Variants in TCF4 observed in about 807,000 individuals in gnomAD.
TCF4 encodes SL3-3 enhancer factor 2.
TCF4 carries 3 observed loss-of-function variants against 82.1 expected under a neutral mutation model. That is an observed-to-expected ratio of 0.04 (90% CI 0.02 to 0.09). The LOEUF (loss-of-function observed/expected upper bound fraction) is 0.09, where lower values mean the gene tolerates loss of function less well. TCF4 is among the 10% of genes least tolerant of loss of function. The pLI, the probability that TCF4 is intolerant of heterozygous loss-of-function variation, is 1.00. For missense variants in TCF4, 518 were observed against 852.7 expected, an observed-to-expected ratio of 0.61 and a Z score of 4.89; for synonymous variants, 276 against 309.6, an observed-to-expected ratio of 0.89 and a Z score of 1.14.
intron 2 of TCF4, chr18:55,585,594 C>T (rs141238954): frequency 1.7e-6 from 1 of 604,186 alleles, no homozygotes; most frequent in Non-Finnish European, 2.7e-6. Flanking sequence ...AGCAGTACTA[C>T]TGCTACATTT....
chr18:55,321,303 A>G (rs757354196), intron 8 of TCF4: 3 of 257,760 alleles, frequency 1.2e-5, no homozygotes, highest in East Asian at 1.8e-4. Flanking sequence ...TCTGCTTCTC[A>G]TATCTGCTTT....
intron 2 of TCF4, among the ~76,000 whole-genome samples, chr18:55,613,596 G>A (rs559675297): frequency 7.9e-5 from 12 of 152,250 alleles, no homozygotes; most frequent in South Asian, 2.1e-4. Flanking sequence ...GCTGGGAGGC[G>A]TCAAGAAACT....
intron 8 of TCF4, among the ~76,000 whole-genome samples, chr18:55,312,420 T>C (rs981332314): frequency 1.3e-5 from 2 of 152,184 alleles, no homozygotes; most frequent in African/African-American, 2.4e-5. Context: ...CTCATCTGTT[T>C]TTCCTTTTTC....
chr18:55,560,402 C>A (rs1366486974), intron 3 of TCF4, among the ~76,000 whole-genome samples: 1 of 152,186 alleles, frequency 6.6e-6, no homozygotes, highest in Non-Finnish European at 1.5e-5. Context: ...AAATTTAGGG[C>A]TCAGTGCTGT....
Position 55,319,248 on chromosome 18 carries a change from G to T in TCF4, c.549+31111C>A, listed in dbSNP as rs574956374. Among the ~76,000 whole-genome samples the T allele has an allele frequency of 3.9e-5, 6 of 152,192 alleles. No individual in the cohort carries two copies. The East Asian group carries it at 7.7e-4, about 20-fold the overall frequency. ...TCGATAGGCATTTTGAACAATTAAC[G>T]CATGGTATATACAATCTCCACAACA... On this transcript the variant is annotated intron_variant, in intron 8 of 19. Transcript: ENST00000354452.
At chr18:55,286,823 C>T (rs1601484980) in intron 8 of TCF4, among the ~76,000 whole-genome samples, 1 of 152,108 alleles carries the variant, frequency 6.6e-6, no homozygotes, top group South Asian at 2.1e-4. Flanking sequence ...GGTTAAAGGG[C>T]GATCTCCATT....
intron 3 of TCF4, among the ~76,000 whole-genome samples, chr18:55,498,412 G>A (rs2096661301): frequency 6.6e-6 from 1 of 152,198 alleles, no homozygotes; most frequent in African/African-American, 2.4e-5. Flanking sequence ...AGACCAGCCA[G>A]TCCTAACACC....
At chr18:55,470,238 T>A (rs1223977744) in intron 3 of TCF4, among the ~76,000 whole-genome samples, 1 of 152,212 alleles carries the variant, frequency 6.6e-6, no homozygotes, top group East Asian at 1.9e-4. Context: ...CACCAGTATT[T>A]ATCATGAGTG....
intron 6 of TCF4, among the ~76,000 whole-genome samples, chr18:55,376,455 T>C (rs924050194): frequency 6.6e-6 from 1 of 152,224 alleles, no homozygotes; most frequent in Non-Finnish European, 1.5e-5. Flanking sequence ...TAGGCTAAAA[T>C]GTTAGTTAAC....
Position 55,280,068 on chromosome 18 carries a change from C to T in TCF4, c.550-412G>A, listed in dbSNP as rs547762905. Among the ~76,000 whole-genome samples the T allele has an allele frequency of 7.2e-5, 11 of 152,140 alleles. No homozygotes were observed. In the South Asian group the frequency reaches 2.3e-3, roughly 32 times the overall value. On this transcript the variant is annotated intron_variant, in intron 8 of 19. Transcript: ENST00000354452. ...TTCAAATGGTAGAGTAAAAACTCTA[C>T]CTTTCAATTAAAATTTTCACTTTTA...
chr18:55,440,731 A>C lies in TCF4; in HGVS notation c.304+20288T>G, dbSNP rs540679159. Among the ~76,000 whole-genome samples the C allele has an allele frequency of 4.6e-5, 7 of 152,288 alleles. No homozygotes were observed. In the South Asian group the frequency reaches 1.5e-3, roughly 32 times the overall value. Reference sequence around the variant, plus strand: ...CTCAACATCTTCCTGTAATCATGCCAGTCTCCTCTATAACACTTGATGTCA... The same window carrying C: ...CTCAACATCTTCCTGTAATCATGCCCGTCTCCTCTATAACACTTGATGTCA... On this transcript the variant is annotated intron_variant, in intron 5 of 19. Coordinates refer to ENST00000354452, the MANE Select transcript of TCF4 (RefSeq NM_001083962.2).
chr18:55,560,327 C>T (rs540145936), intron 3 of TCF4, among the ~76,000 whole-genome samples: 2 of 152,136 alleles, frequency 1.3e-5, no homozygotes, highest in Non-Finnish European at 2.9e-5. Flanking sequence ...AATGAAATTA[C>T]CGACTTTTCA....
At chr18:55,381,910 G>A (rs1042577591) in intron 6 of TCF4, among the ~76,000 whole-genome samples, 31 of 143,608 alleles carry the variant, frequency 2.2e-4, no homozygotes, top group Non-Finnish European at 3.5e-4. Flanking sequence ...CTCTAGAAGG[G>A]TTTTTTTTTT....
intron 3 of TCF4, chr18:55,510,799 A>G (rs920377605): frequency 3.9e-5 from 47 of 1,207,648 alleles, no homozygotes; most frequent in Non-Finnish European, 4.7e-5. Flanking sequence ...TTATTTGTAT[A>G]TATCAGTCAG....
chr18:55,615,484 C>CTA (rs773233605), intron 2 of TCF4, among the ~76,000 whole-genome samples: 10 of 151,602 alleles, frequency 6.6e-5, no homozygotes, highest in Non-Finnish European at 1.5e-4. Context: ...CAAAACAATT[C>CTA]TACTCCTTCA....
chr18:55,353,219 C>T (rs535440929), intron 6 of TCF4, among the ~76,000 whole-genome samples: 4 of 152,258 alleles, frequency 2.6e-5, no homozygotes, highest in East Asian at 1.9e-4. Context: ...GCAGCATTCA[C>T]AATAGAGCTG....
intron 7 of TCF4, 40 bp from the exon 8 acceptor site, chr18:55,350,448 A>G: frequency 6.2e-7 from 1 of 1,609,892 alleles, no homozygotes; most frequent in Non-Finnish European, 8.5e-7. Context: ...CCAAATGCCC[A>G]TTTTCCTAAC....
chr18:55,262,299 C>T (rs1475450164), intron 11 of TCF4, among the ~76,000 whole-genome samples: 1 of 152,100 alleles, frequency 6.6e-6, no homozygotes, highest in Non-Finnish European at 1.5e-5. Context: ...CAATTCAAAG[C>T]CAGCTTTCTT....
intron 2 of TCF4, among the ~76,000 whole-genome samples, chr18:55,594,581 G>T (rs1017667070): frequency 1.3e-5 from 2 of 152,126 alleles, no homozygotes; most frequent in African/African-American, 4.8e-5. Flanking sequence ...TTTCATTTTA[G>T]CTTGATTTCA....
Sources: gnomAD v4.1 joint callset for allele counts (sites outside exome capture counted in the v4.1 genomes callset) on GRCh38, gnomAD v4.1.1 for gene constraint, MANE v1.5 for transcripts, NCBI Gene and HGNC (gene_info 2026-07-23, HGNC 2026-07-21) for gene names.